EPHA6: variants seen among roughly 807,000 people sequenced by gnomAD.
The protein encoded by EPHA6 is EPH receptor A6, also known as ephrin type-A receptor 6.
EPHA6 carries 50 observed loss-of-function variants against 112.0 expected under a neutral mutation model. The ratio of observed to expected loss-of-function variants is 0.45; its 90% CI spans 0.36 to 0.56. The LOEUF is 0.56. Among genes scored for constraint, EPHA6 ranks in the 20% least tolerant of loss-of-function variants. The pLI is 0.00. For synonymous variants in EPHA6, 529 were observed against 490.7 expected, an observed-to-expected ratio of 1.08 and a Z score of -1.03; for missense variants, 1,280 against 1,417.4, an observed-to-expected ratio of 0.90 and a Z score of 1.56.
At chr3:97,177,189 A>C (rs1016913723) in intron 3 of EPHA6, among the ~76,000 whole-genome samples, 1 of 151,850 alleles carries the variant, frequency 6.6e-6, no homozygotes, top group Non-Finnish European at 1.5e-5. Flanking sequence ...TAGTTTCCAA[A>C]ATTCCTCTTG....
intron 6 of EPHA6, among the ~76,000 whole-genome samples, chr3:97,437,348 T>C (rs937098612): frequency 5.9e-5 from 9 of 152,188 alleles, no homozygotes; most frequent in Admixed American, 3.9e-4. Flanking sequence ...ATGCACATGT[T>C]GCCTTTCTAG....
chr3:97,397,075 G>A lies in EPHA6; in HGVS notation c.1607-8075G>A, dbSNP rs557871222. 2.4e-4 allele frequency among the ~76,000 whole-genome samples: 37 copies of A among 151,782 alleles called. 1 individual carries two copies. The South Asian group carries it at 5.2e-3, about 21-fold the overall frequency. ...TCTTGAAGGTCAAAGCTAAGATTTTGAAGACTTAAATAAGGATGTATATCA... is the reference window on the plus strand; with the variant it reads ...TCTTGAAGGTCAAAGCTAAGATTTTAAAGACTTAAATAAGGATGTATATCA... On this transcript the variant is annotated intron_variant, in intron 5 of 17. Coordinates refer to ENST00000389672, the MANE Select transcript of EPHA6 (RefSeq NM_001080448.3).
chr3:97,250,790 A>T (rs577265645), intron 5 of EPHA6, among the ~76,000 whole-genome samples: 1 of 152,254 alleles, frequency 6.6e-6, no homozygotes, highest in Non-Finnish European at 1.5e-5. Flanking sequence ...AATGAATGAG[A>T]TGATTTGGAT....
chr3:97,006,798 A>G (rs1056228805), intron 3 of EPHA6, among the ~76,000 whole-genome samples: 1 of 152,142 alleles, frequency 6.6e-6, no homozygotes, highest in Non-Finnish European at 1.5e-5. Context: ...AGATTCTGGT[A>G]TGTCATCTCT....
At chr3:97,119,949 T>C (rs1255067184) in intron 3 of EPHA6, among the ~76,000 whole-genome samples, 5 of 151,960 alleles carry the variant, frequency 3.3e-5, no homozygotes, top group Admixed American at 6.6e-5. Flanking sequence ...CTGAGACTCA[T>C]TTGCTGAATT....
chr3:97,700,347 G>A (rs2033309906), intron 14 of EPHA6, among the ~76,000 whole-genome samples: 1 of 152,116 alleles, frequency 6.6e-6, no homozygotes, highest in South Asian at 2.1e-4. Context: ...TGTCTCCTTC[G>A]ATGACCATGT....
At chr3:97,197,630 C>G (rs1337876703) in intron 3 of EPHA6, among the ~76,000 whole-genome samples, 1 of 151,780 alleles carries the variant, frequency 6.6e-6, no homozygotes, top group African/African-American at 2.4e-5. Flanking sequence ...GTTGTGCTGC[C>G]TGGGGTTGGG....
At chr3:96,848,425 G>T (rs1213171426) in intron 1 of EPHA6, among the ~76,000 whole-genome samples, 2 of 151,936 alleles carry the variant, frequency 1.3e-5, no homozygotes, top group African/African-American at 2.4e-5. Flanking sequence ...TCAGGAGTTT[G>T]AGACCAGCCA....
chr3:97,240,794 CA>C (rs1256702510), intron 4 of EPHA6, among the ~76,000 whole-genome samples: 5 of 151,704 alleles, frequency 3.3e-5, no homozygotes, highest in Non-Finnish European at 7.4e-5. Flanking sequence ...ATGTTGGATT[CA>C]ACAAAGTGAA....
chr3:97,176,480 T>G (rs1422155135), intron 3 of EPHA6, among the ~76,000 whole-genome samples: 1 of 151,888 alleles, frequency 6.6e-6, no homozygotes, highest in African/African-American at 2.4e-5. Flanking sequence ...TGATATTAGT[T>G]TCCTTAAGAC....
At chr3:97,614,501 ATTTTTTTTTTT>A (rs35126699) in intron 13 of EPHA6, among the ~76,000 whole-genome samples, 1 of 98,266 alleles carries the variant, frequency 1.0e-5, no homozygotes, top group Non-Finnish European at 1.9e-5. Context: ...CACCCAGCTA[ATTTTTTTTTTT>A]TTTTTTTTTT....
intron 2 of EPHA6, among the ~76,000 whole-genome samples, chr3:96,970,295 A>G (rs1414065789): frequency 6.6e-6 from 1 of 151,642 alleles, no homozygotes; most frequent in African/African-American, 2.4e-5. Flanking sequence ...AGCGAGAGAG[A>G]GAGAGAGAAA....
chr3:97,556,744 T>C (rs997309228), intron 11 of EPHA6, among the ~76,000 whole-genome samples: 9 of 152,022 alleles, frequency 5.9e-5, no homozygotes, highest in Non-Finnish European at 7.4e-5. Context: ...AAAACATTAC[T>C]AGGTAGTGAT....
At chr3:97,205,351 C>A (rs1039225091) in intron 3 of EPHA6, among the ~76,000 whole-genome samples, 2 of 151,780 alleles carry the variant, frequency 1.3e-5, no homozygotes, top group African/African-American at 4.8e-5. Context: ...AGTGCCCTTT[C>A]AATTACATAA....
At chr3:97,132,802 T>C (rs573153599) in intron 3 of EPHA6, among the ~76,000 whole-genome samples, 40 of 152,122 alleles carry the variant, frequency 2.6e-4, no homozygotes, top group African/African-American at 9.4e-4. Flanking sequence ...TGTAGTAAAG[T>C]AGAATGTAGG....
At chr3:97,603,844 G>T (rs2093660790) in intron 12 of EPHA6, among the ~76,000 whole-genome samples, 1 of 151,832 alleles carries the variant, frequency 6.6e-6, no homozygotes, top group Admixed American at 6.6e-5. Flanking sequence ...AGGCATATAT[G>T]ATTTAAATGG....
chr3:97,653,922 A>T (rs1301437759), intron 14 of EPHA6, among the ~76,000 whole-genome samples: 1 of 151,966 alleles, frequency 6.6e-6, no homozygotes, highest in Non-Finnish European at 1.5e-5. Context: ...TCTCATTTAC[A>T]TGTAGAATCT....
At chr3:97,232,152 T>C (rs2078544718) in intron 4 of EPHA6, among the ~76,000 whole-genome samples, 1 of 152,162 alleles carries the variant, frequency 6.6e-6, no homozygotes, top group Non-Finnish European at 1.5e-5. Flanking sequence ...TTATTAGATA[T>C]GTAAGGTTGG....
chr3:97,235,745 C>T (rs1317008253), intron 4 of EPHA6, among the ~76,000 whole-genome samples: 2 of 152,230 alleles, frequency 1.3e-5, no homozygotes, highest in East Asian at 1.9e-4. Flanking sequence ...AATCTAAGGA[C>T]ATCCAAGGTT....
Sources: allele counts gnomAD v4.1 joint callset (sites outside exome capture counted in the v4.1 genomes callset), GRCh38; gene constraint gnomAD v4.1.1; transcripts MANE v1.5; gene names NCBI Gene and HGNC (gene_info 2026-07-23, HGNC 2026-07-21).